Variants in PDE7B observed in about 807,000 individuals in gnomAD.
PDE7B encodes phosphodiesterase 7B, also known as 3',5'-cyclic-AMP phosphodiesterase 7B.
PDE7B carries 29 observed loss-of-function variants against 56.2 expected under a neutral mutation model. The observed-to-expected ratio is 0.52, with a 90% CI of 0.38 to 0.70. The LOEUF (loss-of-function observed/expected upper bound fraction) is 0.70, where lower values mean the gene tolerates loss of function less well. Among genes scored for constraint, PDE7B ranks in the 30% least tolerant of loss-of-function variants. The pLI is 0.00. For missense variants in PDE7B, 490 were observed against 565.0 expected, an observed-to-expected ratio of 0.87 and a Z score of 1.35; for synonymous variants, 197 against 196.9, an observed-to-expected ratio of 1.00 and a Z score of 0.00.
At chr6:136,058,884 A>G (rs1562482591) in intron 2 of PDE7B, among the ~76,000 whole-genome samples, 1 of 152,224 alleles carries the variant, frequency 6.6e-6, no homozygotes, top group Non-Finnish European at 1.5e-5. Flanking sequence ...TTGGGGGGAA[A>G]AAAGTGATTT....
At chr6:136,074,263 T>C (rs1364899777) in intron 2 of PDE7B, among the ~76,000 whole-genome samples, 1 of 151,594 alleles carries the variant, frequency 6.6e-6, no homozygotes, top group Non-Finnish European at 1.5e-5. Flanking sequence ...GATTTGGGGT[T>C]TTTTTGTTGT....
chr6:135,869,736 G>A (rs2128186382), intron 1 of PDE7B, among the ~76,000 whole-genome samples: 1 of 152,316 alleles, frequency 6.6e-6, no homozygotes, highest in East Asian at 1.9e-4. Flanking sequence ...GCCCAATGGA[G>A]TCTTTTCTCT....
chr6:135,977,264 T>C (rs1429026440), intron 2 of PDE7B, among the ~76,000 whole-genome samples: 1 of 152,046 alleles, frequency 6.6e-6, no homozygotes, highest in Non-Finnish European at 1.5e-5. Flanking sequence ...CGATCATAGA[T>C]CTAGGGATCC....
chr6:135,985,243 C>T (rs1196835101), intron 2 of PDE7B, among the ~76,000 whole-genome samples: 8 of 152,138 alleles, frequency 5.3e-5, no homozygotes, highest in African/African-American at 1.7e-4. Context: ...TAGCTGTTTC[C>T]TTATTCAACC....
intron 2 of PDE7B, among the ~76,000 whole-genome samples, chr6:136,061,725 T>C (rs758601166): frequency 2.6e-5 from 4 of 152,128 alleles, no homozygotes; most frequent in Admixed American, 6.5e-5. Flanking sequence ...CATAGTACCA[T>C]GTTGGGTAGG....
intron 1 of PDE7B, among the ~76,000 whole-genome samples, chr6:135,906,458 G>T (rs1027431635): frequency 2.0e-5 from 3 of 152,074 alleles, no homozygotes; most frequent in Admixed American, 6.5e-5. Context: ...TCAGTCTTCT[G>T]AACAGTCATC....
rs112871740 is a variant in PDE7B, at chr6:135,986,676, T to C, written c.82+39152T>C. The stretch of plus-strand genomic sequence containing the variant: ...GAAAAGATAAGGAAACAGTCACAAT[T>C]CTTCATACGTTTTCTGAATCTCCTT... On this transcript the variant is annotated intron_variant, in intron 2 of 12. Coordinates refer to ENST00000308191, the MANE Select transcript of PDE7B (RefSeq NM_018945.4). Among the ~76,000 whole-genome samples, 462 of 152,302 alleles carry C rather than the reference T, an allele frequency of 3.0e-3. 2 individuals carry two copies. The highest frequency in any genetic ancestry group is 0.01 in the African/African-American group (433 of 41,562).
chr6:136,172,028 A>T (rs1778892117), intron 8 of PDE7B, among the ~76,000 whole-genome samples: 1 of 151,926 alleles, frequency 6.6e-6, no homozygotes, highest in Non-Finnish European at 1.5e-5. Flanking sequence ...TTCTTAATCC[A>T]GTCTATCATT....
At chr6:136,018,337 C>T (rs1416510154) in intron 2 of PDE7B, among the ~76,000 whole-genome samples, 1 of 152,178 alleles carries the variant, frequency 6.6e-6, no homozygotes, top group Non-Finnish European at 1.5e-5. Flanking sequence ...CCACACTGCA[C>T]CTGAAAGACA....
chr6:136,053,066 A>T (rs995822578), intron 2 of PDE7B, among the ~76,000 whole-genome samples: 7 of 152,226 alleles, frequency 4.6e-5, no homozygotes, highest in South Asian at 2.1e-4. Flanking sequence ...ACATTTTTTT[A>T]AAAAAGTTAT....
chr6:135,905,439 CACTA>C (rs1219120683), intron 1 of PDE7B, among the ~76,000 whole-genome samples: 3 of 151,824 alleles, frequency 2.0e-5, no homozygotes, highest in African/African-American at 4.8e-5. Flanking sequence ...AAAAGAGAAA[CACTA>C]ACCAGATTCC....
intron 2 of PDE7B, among the ~76,000 whole-genome samples, chr6:136,053,746 C>T (rs1458138185): frequency 6.6e-6 from 1 of 152,044 alleles, no homozygotes; most frequent in African/African-American, 2.4e-5. Context: ...TTAATGATTG[C>T]CATTCTAACT....
In PDE7B at chr6:135,884,276, T is replaced by C. The variant is rs77063816; in HGVS notation, c.21+32257T>C. Reference sequence around the variant, plus strand: ...GTAGATTCTACTAGTAACCACTTAGTGTGTATTGACTTGTCAGAATTTTCA... The same window carrying C: ...GTAGATTCTACTAGTAACCACTTAGCGTGTATTGACTTGTCAGAATTTTCA... On this transcript the variant is annotated intron_variant, in intron 1 of 12. Transcript: ENST00000308191. Among the ~76,000 whole-genome samples, 925 of 152,316 alleles carry C rather than the reference T, an allele frequency of 6.1e-3. 9 individuals carry two copies. The highest frequency in any genetic ancestry group is 0.021 in the African/African-American group (868 of 41,576).
chr6:136,107,248 C>T, intron 2 of PDE7B, among the ~76,000 whole-genome samples: 1 of 152,190 alleles, frequency 6.6e-6, no homozygotes, highest in South Asian at 2.1e-4. Flanking sequence ...TTTCAGCTCC[C>T]AGGCTGGGGC....
intron 2 of PDE7B, chr6:136,044,958 G>T (rs184895107): frequency 2.7e-5 from 4 of 150,926 alleles, no homozygotes; most frequent in Admixed American, 6.6e-5. Context: ...ATTAAACAAG[G>T]CTGGTTCAAC....
intron 2 of PDE7B, chr6:136,038,040 G>C (rs779557593): frequency 7.5e-7 from 1 of 1,330,960 alleles, no homozygotes. Context: ...ACCTAGGGAA[G>C]TGAATCGCTC....
At chr6:136,101,521 A>G (rs1777561931) in intron 2 of PDE7B, among the ~76,000 whole-genome samples, 1 of 152,090 alleles carries the variant, frequency 6.6e-6, no homozygotes, top group Non-Finnish European at 1.5e-5. Context: ...GAATCTATCC[A>G]TTTCTTCCAG....
At chr6:135,962,498 T>A (rs575650728) in intron 2 of PDE7B, among the ~76,000 whole-genome samples, 10 of 152,192 alleles carry the variant, frequency 6.6e-5, no homozygotes, top group Non-Finnish European at 1.2e-4. Context: ...CCTTTTTTTG[T>A]CTCTTTATAT....
At chr6:135,870,699 G>T (rs1775362344) in intron 1 of PDE7B, among the ~76,000 whole-genome samples, 1 of 151,942 alleles carries the variant, frequency 6.6e-6, no homozygotes, top group East Asian at 1.9e-4. Flanking sequence ...GACACATTCA[G>T]CTTGAGAGGC....
Sources: gnomAD v4.1 joint callset for allele counts (sites outside exome capture counted in the v4.1 genomes callset) on GRCh38, gnomAD v4.1.1 for gene constraint, MANE v1.5 for transcripts, NCBI Gene and HGNC (gene_info 2026-07-23, HGNC 2026-07-21) for gene names.